The following TTC6 variants were observed in gnomAD, a reference collection of about 807,000 sequenced individuals.
The protein encoded by TTC6 is tetratricopeptide repeat protein 6.
Under a neutral mutation model 210.4 loss-of-function variants are expected in TTC6, and 172 were observed. The observed-to-expected ratio is 0.82, with a 90% confidence interval of 0.72 to 0.93. The LOEUF (loss-of-function observed/expected upper bound fraction) is 0.93. TTC6 is among the 40% of genes least tolerant of loss of function. TTC6 has a pLI of 0.00. For synonymous variants in TTC6, 804 were observed against 819.6 expected (o/e 0.98, Z 0.32); for missense variants, 2,414 against 2,318.1 (o/e 1.04, Z -0.85).
At chr14:37,832,325 C>CTT (rs2096187317) in intron 29 of TTC6, among the ~76,000 whole-genome samples, 1 of 80,192 alleles carries the variant, frequency 1.2e-5, no homozygotes, top group Non-Finnish European at 2.3e-5. Context: ...CTTTTTCTTT[C>CTT]TCTCTTTTTT....
chr14:37,719,189 G>T (rs1192700642), intron 6 of TTC6, among the ~76,000 whole-genome samples: 1 of 152,126 alleles, frequency 6.6e-6, no homozygotes, highest in Non-Finnish European at 1.5e-5. Context: ...ACAAAATGCT[G>T]ATAAAAGAAA....
At chr14:37,827,999 C>T (rs912593699) in intron 29 of TTC6, 3 of 152,092 alleles carry the variant, frequency 2.0e-5, no homozygotes, top group African/African-American at 7.2e-5. Context: ...CTGTTCTTTC[C>T]CCCACTTAGA....
chr14:37,685,196 C>A (rs1008517240), intron 3 of TTC6, among the ~76,000 whole-genome samples: 1 of 152,138 alleles, frequency 6.6e-6, no homozygotes, highest in Non-Finnish European at 1.5e-5. Context: ...GATATGATCA[C>A]ATGACCTGAT....
At chr14:37,755,618 C>A (rs1330702257) in intron 14 of TTC6, among the ~76,000 whole-genome samples, 1 of 152,188 alleles carries the variant, frequency 6.6e-6, no homozygotes, top group Admixed American at 6.5e-5. Context: ...TTCCCCAGCA[C>A]CATTTATTAA....
At chr14:37,630,068 T>G (rs958742948) in intron 1 of TTC6, among the ~76,000 whole-genome samples, 1 of 152,198 alleles carries the variant, frequency 6.6e-6, no homozygotes, top group Non-Finnish European at 1.5e-5. Context: ...GTTTTTCGTG[T>G]CTCTGCCTCC....
intron 5 of TTC6, among the ~76,000 whole-genome samples, chr14:37,702,537 C>G (rs2095827515): frequency 6.6e-6 from 1 of 152,142 alleles, no homozygotes; most frequent in African/African-American, 2.4e-5. Context: ...TCTACAGTCT[C>G]TCGCCTTTCA....
chr14:37,680,336 TAG>T, intron 2 of TTC6, 75 bp downstream of exon 4: 1 of 978,266 alleles, frequency 1.0e-6, no homozygotes, highest in Middle Eastern at 2.2e-4. Flanking sequence ...AATGTTTATA[TAG>T]AGAGTTAAAA....
At chr14:37,735,606 A>G (rs2095899554) in intron 7 of TTC6, among the ~76,000 whole-genome samples, 1 of 152,224 alleles carries the variant, frequency 6.6e-6, no homozygotes, top group Non-Finnish European at 1.5e-5. Context: ...TTAATATGCT[A>G]CATAAATTCA....
At chr14:37,727,291 A>ATTTT (rs368293440) in intron 7 of TTC6, among the ~76,000 whole-genome samples, 31 of 92,248 alleles carry the variant, frequency 3.4e-4, no homozygotes, top group Non-Finnish European at 5.0e-4. Flanking sequence ...TATTTTTCTA[A>ATTTT]TTTTTTTTTT....
chr14:37,744,997 T>TACAC (rs147986899), intron 10 of TTC6, among the ~76,000 whole-genome samples: 6 of 150,982 alleles, frequency 4.0e-5, no homozygotes, highest in Non-Finnish European at 8.9e-5. Flanking sequence ...GGATATGGGA[T>TACAC]ACACACACAC....
chr14:37,824,061 A>G, intron 27 of TTC6, 104 bp downstream of exon 29: 2 of 1,072,162 alleles, frequency 1.9e-6, no homozygotes, highest in Admixed American at 2.3e-5. Flanking sequence ...TTGGTTATGA[A>G]CATTTACCTT....
intron 14 of TTC6, among the ~76,000 whole-genome samples, chr14:37,785,122 G>T (rs1423943905): frequency 6.6e-6 from 1 of 152,120 alleles, no homozygotes; most frequent in African/African-American, 2.4e-5. Flanking sequence ...TTCTCAAGGG[G>T]TATCTTTGTG....
chr14:37,713,759 T>C (rs2095848253), intron 5 of TTC6, among the ~76,000 whole-genome samples: 1 of 152,176 alleles, frequency 6.6e-6, no homozygotes, highest in African/African-American at 2.4e-5. Context: ...GTCTACTTCT[T>C]AACAGCAGGT....
chr14:37,621,894 A>G (rs1392938524), upstream of TTC6, among the ~76,000 whole-genome samples: 1 of 151,982 alleles, frequency 6.6e-6, no homozygotes, highest in East Asian at 2.0e-4. Flanking sequence ...GTGGATATAA[A>G]ATTACATGAT....
chr14:37,650,139 T>G (rs1391379318), intron 1 of TTC6, among the ~76,000 whole-genome samples: 5 of 152,182 alleles, frequency 3.3e-5, no homozygotes, highest in African/African-American at 7.2e-5. Context: ...CTTCTTGCAT[T>G]TCCATTACCT....
rs566803581 is a variant in TTC6, at chr14:37,775,805, TTGGG to T, written c.3267-11660_3267-11657del. On this transcript the variant is annotated intron_variant, in intron 14 of 30. Transcript: ENST00000553443. ...GCTTTATGAATCTAGGTCTCCTATG[TTGGG>T]TGCATATATTTTTAGGATAGTTAGA... Among the ~76,000 whole-genome samples, 17 of 152,294 alleles carry T rather than the reference TTGGG, an allele frequency of 1.1e-4. No individual in the cohort carries two copies. The South Asian group carries it at 3.5e-3, about 32-fold the overall frequency.
Position 37,694,448 on chromosome 14 carries a change from A to G in TTC6, c.1258-2269A>G, listed in dbSNP as rs1367767928. Among the ~76,000 whole-genome samples the G allele has an allele frequency of 2.0e-5, 3 of 152,294 alleles. No individual in the cohort carries two copies. The East Asian group carries it at 5.8e-4, about 29-fold the overall frequency. ...AACAAATGCTGGCAGGGATGTGGAG[A>G]AAAGGGAAGCCTCATACATTGTTGA... On this transcript the variant is annotated intron_variant, in intron 3 of 30. Transcript: ENST00000553443.
At chr14:37,719,463 T>C (rs906486171) in intron 6 of TTC6, among the ~76,000 whole-genome samples, 6 of 152,018 alleles carry the variant, frequency 3.9e-5, no homozygotes, top group African/African-American at 1.4e-4. Flanking sequence ...CTTACTATAT[T>C]ACAGTCATTA....
chr14:37,829,877 C>T (rs2096180570), intron 29 of TTC6, among the ~76,000 whole-genome samples: 1 of 151,918 alleles, frequency 6.6e-6, no homozygotes, highest in Non-Finnish European at 1.5e-5. Context: ...ACTGCCTGAC[C>T]AAGATTTAAT....
Sources: gnomAD v4.1 joint callset for allele counts (sites outside exome capture counted in the v4.1 genomes callset) on GRCh38, gnomAD v4.1.1 for gene constraint, MANE v1.5 for transcripts, NCBI Gene and HGNC (gene_info 2026-07-23, HGNC 2026-07-21) for gene names.